Variants in ZNF536 observed in about 807,000 individuals in gnomAD.
ZNF536 encodes the protein zinc finger protein 536.
In ZNF536, 13 loss-of-function variants were observed where a neutral mutation model predicts 84.5. The observed-to-expected ratio is 0.15, with a 90% CI of 0.10 to 0.24. ZNF536 has a LOEUF of 0.24. Among genes scored for constraint, ZNF536 ranks in the 10% least tolerant of loss-of-function variants. The pLI, the probability that ZNF536 is intolerant of heterozygous loss-of-function variation, is 1.00. For synonymous variants in ZNF536, 811 were observed against 742.5 expected (o/e 1.09, Z -1.50); for missense variants, 1,536 against 1,747.5 (o/e 0.88, Z 2.16).
intron 1 of ZNF536, among the ~76,000 whole-genome samples, chr19:30,239,870 G>A (rs1254203471): frequency 6.6e-6 from 1 of 152,122 alleles, no homozygotes; most frequent in African/African-American, 2.4e-5. Flanking sequence ...ATGCCAAAAA[G>A]AGCGCACACC....
chr19:30,548,196 G>T lies in ZNF536; in HGVS notation c.2577G>T (p.Trp859Cys). The stretch of plus-strand genomic sequence containing the variant: ...GAGGAGGCCCTGCATCTCAGCAGTG[G>T]ACATCAGGGGTTCTCTCCTCTGGAG... ...DFRGGPASQQ[W>C]TSGVLSSGDH... is the part of the protein sequence containing the mutation. The change falls in exon 4 of 5, where the codon TGG (tryptophan) becomes TGT (cysteine). Residue 859 changes from tryptophan (W) to cysteine (C), a missense_variant. Transcript: ENST00000355537. 5 of 1,614,180 alleles carry T rather than the reference G, an allele frequency of 3.1e-6. No individual in the cohort carries two copies. The highest frequency in any genetic ancestry group is 4.2e-6 in the Non-Finnish European group (5 of 1,180,040).
intron 1 of ZNF536, among the ~76,000 whole-genome samples, chr19:30,389,024 C>G (rs150688348): frequency 6.6e-6 from 1 of 152,286 alleles, no homozygotes; most frequent in East Asian, 1.9e-4. Flanking sequence ...GGAGGGAGTC[C>G]CATGCCCCAT....
chr19:30,546,426 T>A (rs2045561232), intron 3 of ZNF536, among the ~76,000 whole-genome samples: 1 of 152,190 alleles, frequency 6.6e-6, no homozygotes. Flanking sequence ...AGATCTCAGC[T>A]GCTCATAGCA....
intron 2 of ZNF536, among the ~76,000 whole-genome samples, chr19:30,308,012 T>C (rs898654033): frequency 2.0e-5 from 3 of 152,262 alleles, no homozygotes; most frequent in African/African-American, 7.2e-5. Context: ...ATCATTCTTT[T>C]CTGGAACAGA....
chr19:30,630,540 G>T (rs952752516), intron 1 of ZNF536, among the ~76,000 whole-genome samples: 1 of 152,194 alleles, frequency 6.6e-6, no homozygotes, highest in Non-Finnish European at 1.5e-5. Context: ...GCAGGAACAA[G>T]AGCAGGGCTG....
chr19:30,610,355 ACTT>A (rs2048062029), intron 1 of ZNF536, among the ~76,000 whole-genome samples: 1 of 152,110 alleles, frequency 6.6e-6, no homozygotes, highest in African/African-American at 2.4e-5. Context: ...GAGAGCTGAT[ACTT>A]CTTCACATGG....
intron 1 of ZNF536, among the ~76,000 whole-genome samples, chr19:30,579,610 A>G (rs2046851580): frequency 6.6e-6 from 1 of 152,162 alleles, no homozygotes. Flanking sequence ...CCACAGTCAC[A>G]TGGCCACACC....
intron 2 of ZNF536, among the ~76,000 whole-genome samples, chr19:30,484,367 C>A (rs556271138): frequency 1.3e-3 from 190 of 148,650 alleles, no homozygotes; most frequent in African/African-American, 4.6e-3. Flanking sequence ...GCTGGGATTA[C>A]AGGCACCCAC....
chr19:30,237,225 A>C (rs2144775093), intron 1 of ZNF536, among the ~76,000 whole-genome samples: 1 of 152,164 alleles, frequency 6.6e-6, no homozygotes, highest in Non-Finnish European at 1.5e-5. Flanking sequence ...ATCTCCAAAT[A>C]CCACCTTCAA....
intron 2 of ZNF536, among the ~76,000 whole-genome samples, chr19:30,318,637 G>A (rs2046758327): frequency 1.3e-5 from 2 of 152,242 alleles, no homozygotes; most frequent in Admixed American, 1.3e-4. Flanking sequence ...CACATTAGGT[G>A]TGTGTGTGTG....
chr19:30,698,502 T>A (rs2051759969), intron 1 of ZNF536, among the ~76,000 whole-genome samples: 1 of 152,212 alleles, frequency 6.6e-6, no homozygotes, highest in Admixed American at 6.5e-5. Flanking sequence ...GGATACCATA[T>A]TACCTTAGGT....
chr19:30,644,627 T>C (rs952570189), intron 1 of ZNF536, among the ~76,000 whole-genome samples: 5 of 152,208 alleles, frequency 3.3e-5, no homozygotes, highest in Admixed American at 6.5e-5. Flanking sequence ...TTTGGTTTTT[T>C]GTCCTTGCGA....
At chr19:30,306,134 C>G (rs1016487869) in intron 2 of ZNF536, among the ~76,000 whole-genome samples, 2 of 149,362 alleles carry the variant, frequency 1.3e-5, no homozygotes, top group Non-Finnish European at 3.0e-5. Flanking sequence ...CTTTTTTTTT[C>G]AAAAGGTCAG....
intron 1 of ZNF536, among the ~76,000 whole-genome samples, chr19:30,681,601 T>G (rs2050974768): frequency 6.6e-6 from 1 of 152,208 alleles, no homozygotes. Flanking sequence ...CTCCTAGCAC[T>G]TAGGGCAGCT....
intron 1 of ZNF536, among the ~76,000 whole-genome samples, chr19:30,635,976 G>A (rs1157208692): frequency 2.0e-5 from 3 of 152,340 alleles, no homozygotes; most frequent in East Asian, 3.9e-4. Context: ...TGAGTGGGCC[G>A]CCGGAGAGCT....
chr19:30,415,164 G>C (rs1600638848), intron 1 of ZNF536, among the ~76,000 whole-genome samples: 2 of 49,896 alleles, frequency 4.0e-5, no homozygotes, highest in African/African-American at 1.8e-4. Context: ...CCCTCCCCCT[G>C]CCCCCTGTCT....
At chr19:30,314,544 G>A (rs948083636) in intron 2 of ZNF536, among the ~76,000 whole-genome samples, 17 of 152,282 alleles carry the variant, frequency 1.1e-4, no homozygotes, top group African/African-American at 4.1e-4. Flanking sequence ...CCAGAGCCTT[G>A]TAGGCGCAGC....
chr19:30,495,168 C>T (rs978641126), intron 2 of ZNF536, among the ~76,000 whole-genome samples: 6 of 152,098 alleles, frequency 3.9e-5, no homozygotes, highest in African/African-American at 1.4e-4. Flanking sequence ...CATTACTTAA[C>T]TGGCCTTACC....
intron 3 of ZNF536, among the ~76,000 whole-genome samples, chr19:30,541,466 C>A (rs996211206): frequency 2.0e-5 from 3 of 151,420 alleles, no homozygotes; most frequent in Non-Finnish European, 4.4e-5. Context: ...AAAATTCCAT[C>A]ATTTTTCTAT....
Sources: allele counts gnomAD v4.1 joint callset (sites outside exome capture counted in the v4.1 genomes callset), GRCh38; gene constraint gnomAD v4.1.1; transcripts MANE v1.5; gene names NCBI Gene and HGNC (gene_info 2026-07-23, HGNC 2026-07-21).